G2E3: variants seen among roughly 807,000 people sequenced by gnomAD.
The protein encoded by G2E3 is G2/M-phase specific E3 ubiquitin protein ligase.
A neutral mutation model predicts 92.8 loss-of-function variants in G2E3; 35 were observed. The observed-to-expected ratio is 0.38, with a 90% CI of 0.29 to 0.50. The LOEUF is 0.50. G2E3 is among the 20% of genes least tolerant of loss of function. The probability of loss-of-function intolerance (pLI) is 0.94; values close to 1 mark genes in which losing one functional copy is unlikely to be tolerated. For synonymous variants in G2E3, 242 were observed against 272.4 expected (o/e 0.89, Z 1.10); for missense variants, 554 against 823.8 (o/e 0.67, Z 4.01).
chr14:30,585,216 G>A (rs911362616), intron 2 of G2E3, among the ~76,000 whole-genome samples: 5 of 151,994 alleles, frequency 3.3e-5, no homozygotes, highest in African/African-American at 9.7e-5. Flanking sequence ...TGTGCTTTTA[G>A]TATCATGTGA....
intron 1 of G2E3, among the ~76,000 whole-genome samples, chr14:30,563,026 G>T (rs1879205831): frequency 6.6e-6 from 1 of 152,068 alleles, no homozygotes; most frequent in Admixed American, 6.5e-5. Context: ...CTTGGTGATA[G>T]TGGTCCCCCG....
At chr14:30,568,986 C>T (rs1398031842) in intron 1 of G2E3, among the ~76,000 whole-genome samples, 2 of 152,056 alleles carry the variant, frequency 1.3e-5, no homozygotes, top group Non-Finnish European at 1.5e-5. Flanking sequence ...CACCCTAGAC[C>T]CCAGGTCTAC....
chr14:30,584,751 T>A (rs1329753181), intron 2 of G2E3, among the ~76,000 whole-genome samples: 3 of 152,068 alleles, frequency 2.0e-5, no homozygotes, highest in Non-Finnish European at 4.4e-5. Flanking sequence ...TTTGTTGTTA[T>A]CAGAGTTTTT....
chr14:30,577,252 A>C (rs1450557550), intron 1 of G2E3, among the ~76,000 whole-genome samples: 2 of 151,558 alleles, frequency 1.3e-5, no homozygotes, highest in Admixed American at 1.3e-4. Context: ...AAGAAAAAGA[A>C]AAAATGTTGG....
At position 30,612,439 on chromosome 14, in the gene G2E3, T is replaced by C. The variant is rs1451128457; in HGVS notation, c.1673+60T>C. ...ATTACATGTTTAAAGTGGTTAATTA[T>C]CTTGTAATGTGAGATATATTTGGTA... is the stretch of plus-strand genomic sequence containing the variant. On this transcript the variant is annotated intron_variant, in intron 13 of 14. Transcript: ENST00000206595. 6 of 1,020,860 alleles carry C rather than the reference T, an allele frequency of 5.9e-6. No individual in the cohort carries two copies. In the African/African-American group the frequency reaches 9.7e-5, roughly 16 times the overall value. 63.2% of individuals were successfully genotyped at this position (1,020,860 alleles called of 1,614,324 possible). A position where few individuals can be genotyped will look rare whatever the true frequency, so the allele number is the denominator to read the frequency against.
intron 1 of G2E3, among the ~76,000 whole-genome samples, chr14:30,572,701 C>T (rs1239819196): frequency 1.1e-4 from 16 of 151,748 alleles, no homozygotes. Flanking sequence ...TAAGATAAAT[C>T]CAGTTAAGAT....
rs766208597 is a variant in G2E3 at position 30,607,843 on chromosome 14, A to G, written c.1319-45A>G. On this transcript the variant is annotated intron_variant, in intron 11 of 14. Transcript: ENST00000206595. ...TAATATAAAAAATGATGGTTATCTTATAATAATAGAAGTGTATTTGATATA... is the reference window on the plus strand; with the variant it reads ...TAATATAAAAAATGATGGTTATCTTGTAATAATAGAAGTGTATTTGATATA... 1.1e-5 allele frequency: 11 copies of G among 999,340 alleles called. 1 individual carries two copies. The highest frequency in any genetic ancestry group is 6.4e-5 in the South Asian group (4 of 62,768). The allele number at this position is 999,340 out of a possible 1,614,324, so 61.9% of individuals were successfully genotyped here.
At chr14:30,582,513 A>C (rs946218735) in intron 2 of G2E3, among the ~76,000 whole-genome samples, 1 of 152,230 alleles carries the variant, frequency 6.6e-6, no homozygotes, top group Non-Finnish European at 1.5e-5. Flanking sequence ...TCCAGGGTTC[A>C]TGGCAAGAGT....
chr14:30,583,020 C>G lies in G2E3; in HGVS notation c.37+1904C>G, dbSNP rs75365601. ...ATAACTGGTAAACCCTGACATCTTA[C>G]TGGTTTAAAACAAGAGAAGTTTATT... On this transcript the variant is annotated intron_variant, in intron 2 of 14. Transcript: ENST00000206595. Among the ~76,000 whole-genome samples the G allele has an allele frequency of 3.7e-3, 557 of 152,194 alleles. 7 individuals are homozygous for G. Among genetic ancestry groups the G allele is most frequent in the African/African-American group, 0.013 (527 of 41,518 alleles).
At chr14:30,570,360 ACCTGT>A in intron 1 of G2E3, among the ~76,000 whole-genome samples, 1 of 150,888 alleles carries the variant, frequency 6.6e-6, no homozygotes, top group East Asian at 2.0e-4. Context: ...TTGAAGTCTT[ACCTGT>A]ATAGATTTCA....
intron 1 of G2E3, among the ~76,000 whole-genome samples, chr14:30,576,617 T>C (rs1483931565): frequency 1.3e-5 from 2 of 152,180 alleles, no homozygotes; most frequent in African/African-American, 2.4e-5. Context: ...TTGCAAACTA[T>C]GCATCTGACA....
rs1878934751 is a variant in G2E3, at chr14:30,559,195, G to C, written c.-82G>C. 6.6e-6 allele frequency: 1 copy of C among 152,410 alleles called. No homozygotes were observed. The highest frequency in any genetic ancestry group is 2.1e-4 in the South Asian group (1 of 4,838). 9.4% of individuals were successfully genotyped at this position (152,410 alleles called of 1,614,324 possible). Reference sequence around the variant, plus strand: ...TGTGGGCCGTTGAATGTGGCTGCTCGCGGTCGGCGTGCCCCGACGTACAGC... The same window carrying C: ...TGTGGGCCGTTGAATGTGGCTGCTCCCGGTCGGCGTGCCCCGACGTACAGC... On this transcript the variant is annotated 5_prime_UTR_variant, in exon 1 of 15. Coordinates refer to ENST00000206595, the MANE Select transcript of G2E3 (RefSeq NM_017769.5).
chr14:30,597,990 G>A (rs1391129299), intron 7 of G2E3: 1 of 156,306 alleles, frequency 6.4e-6, no homozygotes, highest in Non-Finnish European at 1.4e-5. Context: ...AATTCATTGA[G>A]ACTAATTAAC....
At chr14:30,563,163 T>G (rs1325468198) in intron 1 of G2E3, among the ~76,000 whole-genome samples, 1 of 152,098 alleles carries the variant, frequency 6.6e-6, no homozygotes, top group Admixed American at 6.5e-5. Flanking sequence ...GGTACAGTTT[T>G]TTTTTTTTTT....
chr14:30,589,034 T>A (rs765678474), intron 3 of G2E3, among the ~76,000 whole-genome samples: 3 of 152,082 alleles, frequency 2.0e-5, no homozygotes, highest in Non-Finnish European at 4.4e-5. Flanking sequence ...CTCCTTTTTG[T>A]TAAGCTTAAT....
intron 10 of G2E3, among the ~76,000 whole-genome samples, chr14:30,605,062 T>A (rs950863103): frequency 2.3e-4 from 35 of 152,182 alleles, no homozygotes; most frequent in African/African-American, 7.9e-4. Context: ...ACGCCCAGCT[T>A]ATTTTGTATT....
At chr14:30,601,398 T>G (rs1566546034) in intron 8 of G2E3, among the ~76,000 whole-genome samples, 1 of 152,234 alleles carries the variant, frequency 6.6e-6, no homozygotes, top group Non-Finnish European at 1.5e-5. Context: ...TGAAATTTAC[T>G]GAATGTTTCT....
chr14:30,581,786 G>A (rs1452989662), intron 2 of G2E3, among the ~76,000 whole-genome samples: 4 of 152,104 alleles, frequency 2.6e-5, no homozygotes, highest in Admixed American at 6.6e-5. Context: ...GATGCGGTCC[G>A]TTTTGACCTT....
intron 1 of G2E3, among the ~76,000 whole-genome samples, chr14:30,570,992 T>G (rs1879728059): frequency 6.6e-6 from 1 of 152,148 alleles, no homozygotes; most frequent in Non-Finnish European, 1.5e-5. Flanking sequence ...CAGTTTATCT[T>G]TTTTTGTCTT....
Sources: gnomAD v4.1 joint callset for allele counts (sites outside exome capture counted in the v4.1 genomes callset) on GRCh38, gnomAD v4.1.1 for gene constraint, MANE v1.5 for transcripts, NCBI Gene and HGNC (gene_info 2026-07-23, HGNC 2026-07-21) for gene names.